The following GSDMA variants were observed in gnomAD, a reference collection of about 807,000 sequenced individuals.
GSDMA encodes the protein gasdermin A.
GSDMA carries 55 observed loss-of-function variants against 54.3 expected under a neutral mutation model. The observed-to-expected ratio is 1.01, with a 90% CI of 0.82 to 1.27. The LOEUF (loss-of-function observed/expected upper bound fraction) is 1.27. Ranked by LOEUF, GSDMA falls within the 50% of genes most tolerant of loss-of-function variation. The pLI, the probability that GSDMA is intolerant of heterozygous loss-of-function variation, is 0.00. For missense variants in GSDMA, 542 were observed against 542.6 expected, an observed-to-expected ratio of 1.00 and a Z score of 0.01; for synonymous variants, 211 against 224.7, an observed-to-expected ratio of 0.94 and a Z score of 0.54.
At position 39,971,264 on chromosome 17, in the gene GSDMA, A is replaced by T. The variant is rs368849607; in HGVS notation, c.559-260A>T. ...CAGGTCTGCCCAGTTCCCTTCATGC[A>T]TCTGAACCAGGAACTAGAACTGACC... On this transcript the variant is annotated intron_variant, in intron 4 of 11. Coordinates refer to ENST00000301659, the MANE Select transcript of GSDMA (RefSeq NM_178171.5). Among the ~76,000 whole-genome samples the T allele has an allele frequency of 1.2e-4, 19 of 152,280 alleles. No homozygotes were observed. In the East Asian group the frequency reaches 2.7e-3, roughly 22 times the overall value.
rs115552132 is a variant in GSDMA at position 39,975,916 on chromosome 17, T to C, written c.1022-8T>C. On this transcript the variant is annotated splice_polypyrimidine_tract_variant and splice_region_variant and intron_variant, in intron 10 of 11. Coordinates refer to ENST00000301659, the MANE Select transcript of GSDMA (RefSeq NM_178171.5). ...CAACACACATCTTTCTCTGCTTTTT[T>C]TCTCCAGAGCTAAGTGAAGCCCAAC... 2,559 of 1,588,556 alleles carry C rather than the reference T, an allele frequency of 1.6e-3. 27 individuals are homozygous for C. The African/African-American group carries it at 0.03, about 19-fold the overall frequency.
intron 8 of GSDMA, 53 bp downstream of exon 8, chr17:39,973,883 G>A: frequency 2.0e-6 from 3 of 1,522,100 alleles, no homozygotes; most frequent in Non-Finnish European, 2.7e-6. Flanking sequence ...GTAGCATTAG[G>A]GGCAGAGAGA....
intron 5 of GSDMA, 146 bp from the exon 6 acceptor site, chr17:39,971,983 C>G (rs762877260): frequency 1.3e-5 from 8 of 606,894 alleles, no homozygotes; most frequent in Non-Finnish European, 2.1e-5. Context: ...TTGCTTCCAG[C>G]AATGGAGGTT....
intron 3 of GSDMA, among the ~76,000 whole-genome samples, chr17:39,969,327 G>A (rs927428378): frequency 2.0e-4 from 30 of 149,120 alleles, no homozygotes; most frequent in Admixed American, 1.9e-3. Flanking sequence ...TTCAGCCTGG[G>A]CAACAGAGTG....
At chr17:39,963,410 C>G (rs78295195) in intron 1 of GSDMA, among the ~76,000 whole-genome samples, 11,524 of 152,046 alleles carry the variant, frequency 0.076, 598 homozygotes, top group Non-Finnish European at 0.11. Flanking sequence ...CTTCCTGCCC[C>G]CCCTGCTGCT....
At chr17:39,970,079 G>T (rs1426335898) in intron 3 of GSDMA, among the ~76,000 whole-genome samples, 1 of 151,700 alleles carries the variant, frequency 6.6e-6, no homozygotes, top group African/African-American at 2.4e-5. Context: ...GATGAATGGG[G>T]AGGAAAGAGG....
At chr17:39,965,161 G>A (rs1402115048) in intron 1 of GSDMA, among the ~76,000 whole-genome samples, 2 of 148,560 alleles carry the variant, frequency 1.3e-5, no homozygotes, top group Non-Finnish European at 3.0e-5. Context: ...AGGCGAGGTG[G>A]AGGGAAGGAA....
intron 6 of GSDMA, among the ~76,000 whole-genome samples, chr17:39,972,381 TGACA>T (rs1195491054): frequency 4.6e-5 from 7 of 152,074 alleles, no homozygotes; most frequent in African/African-American, 1.7e-4. Flanking sequence ...ATATAGAAAC[TGACA>T]GACAGAGACC....
Position 39,966,895 on chromosome 17 carries a change from C to A in GSDMA, c.392+458C>A, listed in dbSNP as rs150947817. On this transcript the variant is annotated intron_variant, in intron 3 of 11. Coordinates refer to ENST00000301659, the MANE Select transcript of GSDMA (RefSeq NM_178171.5). ...CTGTGTTCTGCTCCCATAAATGAAG[C>A]CTCCTGCCTGACCCCAATACACACT... Among the ~76,000 whole-genome samples, 372 of 152,320 alleles carry A rather than the reference C, an allele frequency of 2.4e-3. 4 individuals carry two copies. Among genetic ancestry groups the A allele is most frequent in the African/African-American group, 8.7e-3 (361 of 41,572 alleles).
chr17:39,973,913 T>G, intron 8 of GSDMA, 83 bp downstream of exon 8: 1 of 1,265,044 alleles, frequency 7.9e-7, no homozygotes, highest in Non-Finnish European at 1.1e-6. Flanking sequence ...GAAGTCATTC[T>G]TTGTCAGCTA....
intron 3 of GSDMA, among the ~76,000 whole-genome samples, chr17:39,966,840 T>C (rs916613424): frequency 6.6e-6 from 1 of 152,182 alleles, no homozygotes; most frequent in Non-Finnish European, 1.5e-5. Flanking sequence ...GAGGGATGTG[T>C]CTTAACTGCC....
At chr17:39,970,400 G>A (rs947874264) in intron 3 of GSDMA, 82 bp from the exon 4 acceptor site, 1 of 1,300,262 alleles carries the variant, frequency 7.7e-7, no homozygotes, top group Non-Finnish European at 1.0e-6. Context: ...TCTAGTTCCT[G>A]GGAATGACAG....
intron 10 of GSDMA, among the ~76,000 whole-genome samples, chr17:39,975,249 G>T (rs1980151951): frequency 6.6e-6 from 1 of 152,146 alleles, no homozygotes; most frequent in African/African-American, 2.4e-5. Context: ...AAGAGTTCGA[G>T]ATCAGCCTGG....
chr17:39,968,538 G>C (rs1004901955), intron 3 of GSDMA, among the ~76,000 whole-genome samples: 1 of 150,844 alleles, frequency 6.6e-6, no homozygotes, highest in Non-Finnish European at 1.5e-5. Flanking sequence ...GGAAGAGATG[G>C]GGTTTTACCA....
chr17:39,975,869 G>T, intron 10 of GSDMA, 55 bp from the exon 11 acceptor site: 1 of 1,280,234 alleles, frequency 7.8e-7, no homozygotes. Context: ...CTATTTGGAG[G>T]CTGTAGTCCC....
intron 6 of GSDMA, 40 bp downstream of exon 6, chr17:39,972,216 C>T (rs1979985669): frequency 1.4e-6 from 2 of 1,386,140 alleles, no homozygotes; most frequent in Admixed American, 1.8e-5. Flanking sequence ...ATCTTCCGCC[C>T]TACCCCTGAC....
intron 3 of GSDMA, 21 bp downstream of exon 3, chr17:39,966,458 G>C (rs765524121): frequency 1.2e-5 from 19 of 1,570,068 alleles, no homozygotes; most frequent in Non-Finnish European, 1.6e-5. Context: ...GCGGGACTGA[G>C]GGTCTCCCGG....
intron 8 of GSDMA, among the ~76,000 whole-genome samples, chr17:39,974,052 C>T (rs188767027): frequency 6.6e-6 from 1 of 152,310 alleles, no homozygotes; most frequent in East Asian, 1.9e-4. Context: ...TTAGATGATA[C>T]ATGCATCCTG....
chr17:39,970,206 T>C (rs4488488), intron 3 of GSDMA, among the ~76,000 whole-genome samples: 115,461 of 151,920 alleles, frequency 0.76, 44,101 homozygotes, highest in East Asian at 0.89. Flanking sequence ...GCCCTGTTCC[T>C]GGCCAGGTGC....
Sources: gnomAD v4.1 joint callset for allele counts (sites outside exome capture counted in the v4.1 genomes callset) on GRCh38, gnomAD v4.1.1 for gene constraint, MANE v1.5 for transcripts, NCBI Gene and HGNC (gene_info 2026-07-23, HGNC 2026-07-21) for gene names.